The following HSD17B12 variants were observed in gnomAD, a reference collection of about 807,000 sequenced individuals.
The protein encoded by HSD17B12 is very-long-chain 3-oxoacyl-CoA reductase.
Under a neutral mutation model 39.3 loss-of-function variants are expected in HSD17B12, and 32 were observed. That is an observed-to-expected ratio of 0.81 (90% confidence interval 0.61 to 1.09). HSD17B12 has a LOEUF of 1.09. HSD17B12 is among the 50% of genes least tolerant of loss of function. The pLI, the probability that HSD17B12 is intolerant of heterozygous loss-of-function variation, is 0.00. For missense variants in HSD17B12, 342 were observed against 382.9 expected (o/e 0.89, Z 0.89); for synonymous variants, 150 against 146.7 (o/e 1.02, Z -0.16).
intron 3 of HSD17B12, among the ~76,000 whole-genome samples, chr11:43,768,924 C>T (rs1322223414): frequency 6.6e-6 from 1 of 152,210 alleles, no homozygotes; most frequent in Non-Finnish European, 1.5e-5. Context: ...TTACAATCCT[C>T]TAGCTAGACA....
the HSD17B12 span, among the ~76,000 whole-genome samples, chr11:43,590,533 A>G: frequency 0.52 from 47,200 of 89,972 alleles, 12,992 homozygotes; most frequent in East Asian, 0.68. Context: ...TTTTTGAGAC[A>G]GAGTCTTACT....
At chr11:43,717,579 T>A (rs1331420254) in intron 1 of HSD17B12, among the ~76,000 whole-genome samples, 1 of 151,916 alleles carries the variant, frequency 6.6e-6, no homozygotes, top group Non-Finnish European at 1.5e-5. Flanking sequence ...TGGCTGGGGG[T>A]AGAGGGTTCA....
At chr11:43,738,206 G>T (rs1327803965) in intron 1 of HSD17B12, among the ~76,000 whole-genome samples, 1 of 151,462 alleles carries the variant, frequency 6.6e-6, no homozygotes, top group African/African-American at 2.4e-5. Flanking sequence ...ATCATCACTT[G>T]TCTCTTTTTT....
chr11:43,738,056 C>CAA (rs759642092), intron 1 of HSD17B12, among the ~76,000 whole-genome samples: 237 of 94,852 alleles, frequency 2.5e-3, no homozygotes, highest in Non-Finnish European at 3.6e-3. Flanking sequence ...GACTCTGTCC[C>CAA]AAAAAAAAAA....
At chr11:43,597,187 C>T in the HSD17B12 span, among the ~76,000 whole-genome samples, 1 of 152,150 alleles carries the variant, frequency 6.6e-6, no homozygotes, top group East Asian at 1.9e-4. Flanking sequence ...ATGCTTCATT[C>T]CCATGGGTGG....
chr11:43,592,017 A>G, the HSD17B12 span, among the ~76,000 whole-genome samples: 1 of 152,134 alleles, frequency 6.6e-6, no homozygotes. Context: ...TGTTAGAAAT[A>G]TAGTTTTCAG....
At chr11:43,579,110 T>TGGGGGGGGGGGGGG in the HSD17B12 span, 1 of 58,210 alleles carries the variant, frequency 1.7e-5, no homozygotes, top group African/African-American at 6.5e-5. Flanking sequence ...GGGACGGGGG[T>TGGGGGGGGGGGGGG]GGGGGGGAAG....
chr11:43,815,239 A>G (rs1267367409), intron 4 of HSD17B12, among the ~76,000 whole-genome samples, 198 bp from the exon 5 acceptor site: 1 of 152,212 alleles, frequency 6.6e-6, no homozygotes, highest in African/African-American at 2.4e-5. Context: ...GGAAGGTTTA[A>G]TGAAGGAAGA....
At chr11:43,815,577 C>T in intron 5 of HSD17B12, 76 bp downstream of exon 5, 1 of 871,332 alleles carries the variant, frequency 1.1e-6, no homozygotes, top group Non-Finnish European at 1.8e-6. Context: ...CACTATGACA[C>T]TGGAGTCCAG....
chr11:43,602,406 T>G, the HSD17B12 span, among the ~76,000 whole-genome samples: 2 of 152,224 alleles, frequency 1.3e-5, no homozygotes, highest in Admixed American at 6.5e-5. Context: ...GTACCAATAA[T>G]GTATGCACAC....
chr11:43,834,180 T>A (rs1205368155), intron 7 of HSD17B12: 2 of 152,190 alleles, frequency 1.3e-5, no homozygotes, highest in African/African-American at 4.8e-5. Flanking sequence ...GTTCTAAGAT[T>A]CTTTTTGACA....
At chr11:43,739,709 G>A (rs931895965) in intron 1 of HSD17B12, among the ~76,000 whole-genome samples, 1 of 152,026 alleles carries the variant, frequency 6.6e-6, no homozygotes, top group African/African-American at 2.4e-5. Flanking sequence ...TTTAACACCT[G>A]ACTCTTGGAA....
At chr11:43,738,056 CAAAA>C (rs759642092) in intron 1 of HSD17B12, among the ~76,000 whole-genome samples, 7 of 94,878 alleles carry the variant, frequency 7.4e-5, no homozygotes, top group Admixed American at 1.2e-4. Flanking sequence ...GACTCTGTCC[CAAAA>C]AAAAAAAAAA....
At chr11:43,824,526 C>G (rs1048464939) in intron 6 of HSD17B12, among the ~76,000 whole-genome samples, 1 of 152,146 alleles carries the variant, frequency 6.6e-6, no homozygotes, top group Non-Finnish European at 1.5e-5. Flanking sequence ...ATAGATGGAG[C>G]CTTCTTGCCA....
chr11:43,588,348 CTT>C, the HSD17B12 span, among the ~76,000 whole-genome samples: 1 of 152,140 alleles, frequency 6.6e-6, no homozygotes, highest in Non-Finnish European at 1.5e-5. Flanking sequence ...CTTGTAAAGT[CTT>C]TGTGTTAGAT....
chr11:43,688,711 G>A (rs1176682435), intron 1 of HSD17B12, among the ~76,000 whole-genome samples: 2 of 152,196 alleles, frequency 1.3e-5, no homozygotes, highest in Non-Finnish European at 2.9e-5. Context: ...TTGGGAAACA[G>A]TATAGCTAAC....
intron 1 of HSD17B12, among the ~76,000 whole-genome samples, chr11:43,691,059 G>A (rs1270655708): frequency 6.6e-6 from 1 of 152,160 alleles, no homozygotes; most frequent in Non-Finnish European, 1.5e-5. Flanking sequence ...ATTTTAGTAT[G>A]TCTAAAATTT....
chr11:43,690,386 A>ATTT (rs1565049669), intron 1 of HSD17B12, among the ~76,000 whole-genome samples: 6 of 10,306 alleles, frequency 5.8e-4, no homozygotes, highest in Admixed American at 1.3e-3. Flanking sequence ...ATATATATAT[A>ATTT]TATATATATA....
intron 1 of HSD17B12, among the ~76,000 whole-genome samples, chr11:43,741,432 C>T (rs1431127483): frequency 6.6e-6 from 1 of 151,928 alleles, no homozygotes; most frequent in Non-Finnish European, 1.5e-5. Flanking sequence ...CACCATTTTT[C>T]TATTCATAGT....
Sources: allele counts gnomAD v4.1 joint callset (sites outside exome capture counted in the v4.1 genomes callset), GRCh38; gene constraint gnomAD v4.1.1; transcripts MANE v1.5; gene names NCBI Gene and HGNC (gene_info 2026-07-23, HGNC 2026-07-21).